The following XRCC5 variants were observed in gnomAD, a reference collection of about 807,000 sequenced individuals.
XRCC5 encodes X-ray repair cross complementing 5.
Under a neutral mutation model 95.7 loss-of-function variants are expected in XRCC5, and 12 were observed. The observed-to-expected ratio is 0.13, with a 90% CI of 0.08 to 0.20. The LOEUF is 0.20. Among genes scored for constraint, XRCC5 ranks in the 10% least tolerant of loss-of-function variants. The pLI, the probability that XRCC5 is intolerant of heterozygous loss-of-function variation, is 1.00. For synonymous variants in XRCC5, 281 were observed against 290.3 expected (o/e 0.97, Z 0.33); for missense variants, 595 against 873.9 (o/e 0.68, Z 4.02).
At chr2:216,182,196 C>T (rs183788803) in intron 16 of XRCC5, among the ~76,000 whole-genome samples, 30 of 152,288 alleles carry the variant, frequency 2.0e-4, no homozygotes, top group Admixed American at 1.7e-3. Flanking sequence ...ACTCATCATT[C>T]ACTCTGTCTT....
chr2:216,195,638 A>G (rs989356699), intron 19 of XRCC5, among the ~76,000 whole-genome samples: 2 of 152,134 alleles, frequency 1.3e-5, no homozygotes, highest in African/African-American at 4.8e-5. Context: ...TGAGCTTCTT[A>G]TTCACACACA....
At chr2:216,163,739 GC>G (rs1688997599) in intron 16 of XRCC5, among the ~76,000 whole-genome samples, 1 of 152,232 alleles carries the variant, frequency 6.6e-6, no homozygotes, top group African/African-American at 2.4e-5. Flanking sequence ...GAGCAGCTGA[GC>G]CTCAGAGAGA....
At chr2:216,184,507 C>G (rs929568950) in intron 16 of XRCC5, among the ~76,000 whole-genome samples, 2 of 152,072 alleles carry the variant, frequency 1.3e-5, no homozygotes, top group Non-Finnish European at 2.9e-5. Context: ...GATGGAGTCT[C>G]ACCCTGTCAC....
Position 216,125,766 on chromosome 2 carries a change from CTTGTGG to C in XRCC5, c.684-146_684-141del, listed in dbSNP as rs1202607839. ...CTCTTGCCCTGGCTATATCTCCCAA[CTTGTGG>C]TTGTTGTTTTCCGGCCATCTCCTGC... On this transcript the variant is annotated intron_variant, in intron 6 of 20. Coordinates refer to ENST00000392132, the MANE Select transcript of XRCC5 (RefSeq NM_021141.4). The C allele has an allele frequency of 2.7e-5, 16 of 600,792 alleles. No individual in the cohort carries two copies. The East Asian group carries it at 4.3e-4, about 16-fold the overall frequency. 37.2% of individuals were successfully genotyped at this position (600,792 alleles called of 1,614,324 possible). A position where few individuals can be genotyped will look rare whatever the true frequency, so the allele number is the denominator to read the frequency against.
intron 16 of XRCC5, among the ~76,000 whole-genome samples, chr2:216,187,811 ACACACACACACTCT>A (rs1689525939): frequency 2.8e-5 from 3 of 108,766 alleles, no homozygotes; most frequent in East Asian, 5.4e-4. Flanking sequence ...ACACACACAC[ACACACACACACTCT>A]CTCTCTCTCT....
At chr2:216,125,837 T>G in intron 6 of XRCC5, 80 bp from the exon 7 acceptor site, 1 of 1,140,466 alleles carries the variant, frequency 8.8e-7, no homozygotes, top group South Asian at 1.3e-5. Flanking sequence ...CACTTCTCAT[T>G]GTAGAAAATC....
chr2:216,175,452 T>C (rs765647184), intron 16 of XRCC5: 1 of 517,468 alleles, frequency 1.9e-6, no homozygotes, highest in African/African-American at 1.9e-5. Flanking sequence ...CTTTTTCACT[T>C]TACAGTTGTG....
intron 16 of XRCC5, among the ~76,000 whole-genome samples, chr2:216,180,508 C>T (rs1689366092): frequency 6.6e-6 from 1 of 152,114 alleles, no homozygotes; most frequent in East Asian, 1.9e-4. Flanking sequence ...GGCCTGTAGT[C>T]CCAGCTACTC....
At chr2:216,194,142 A>G (rs918835786) in intron 18 of XRCC5, among the ~76,000 whole-genome samples, 1 of 152,254 alleles carries the variant, frequency 6.6e-6, no homozygotes, top group Non-Finnish European at 1.5e-5. Flanking sequence ...AGCTTCTGCT[A>G]TGTTCTACAG....
At chr2:216,165,963 G>A (rs948547990) in intron 16 of XRCC5, among the ~76,000 whole-genome samples, 1 of 152,110 alleles carries the variant, frequency 6.6e-6, no homozygotes, top group African/African-American at 2.4e-5. Flanking sequence ...TGTGAGGGAT[G>A]TATCTTGTTC....
At chr2:216,110,800 C>T (rs757742835) in intron 1 of XRCC5, among the ~76,000 whole-genome samples, 22 of 152,006 alleles carry the variant, frequency 1.4e-4, no homozygotes, top group Non-Finnish European at 2.8e-4. Context: ...TTTTGTGACT[C>T]TTAAGTTTTT....
intron 19 of XRCC5, among the ~76,000 whole-genome samples, chr2:216,203,267 C>G (rs1392963779): frequency 6.6e-6 from 1 of 152,148 alleles, no homozygotes; most frequent in Non-Finnish European, 1.5e-5. Flanking sequence ...ATAACTGATT[C>G]TCTATTTACT....
chr2:216,180,812 CTT>C (rs112178335), intron 16 of XRCC5, among the ~76,000 whole-genome samples: 33 of 140,674 alleles, frequency 2.3e-4, no homozygotes, highest in African/African-American at 6.5e-4. Flanking sequence ...CCTTGAGTAT[CTT>C]TTTTTTTTTT....
intron 5 of XRCC5, 118 bp from the exon 6 acceptor site, chr2:216,121,944 G>A (rs1052933958): frequency 3.6e-5 from 34 of 934,402 alleles, no homozygotes; most frequent in South Asian, 1.9e-4. Context: ...GGTAAGAGTC[G>A]TTTGACAGAT....
At chr2:216,143,057 C>T (rs1016333145) in intron 13 of XRCC5, among the ~76,000 whole-genome samples, 20 of 152,220 alleles carry the variant, frequency 1.3e-4, no homozygotes, top group African/African-American at 4.6e-4. Flanking sequence ...TCACATTAGC[C>T]TACAGTTGGG....
At chr2:216,133,858 A>G (rs1288721099) in intron 10 of XRCC5, among the ~76,000 whole-genome samples, 4 of 152,216 alleles carry the variant, frequency 2.6e-5, no homozygotes, top group African/African-American at 9.7e-5. Flanking sequence ...GTAAAACAAA[A>G]CAAAAGAATG....
Position 216,132,385 on chromosome 2 carries a change from G to C in XRCC5, c.1111G>C (p.Glu371Gln). Residue 371 changes from glutamate to glutamine, a missense_variant and splice_region_variant, in exon 10 of 21, where the codon GAG becomes CAG. By Grantham distance (29) the Glu-to-Gln change is conservative (BLOSUM62 2). This residue lies in a region of XRCC5 where 286 missense variants were observed against 491.1 expected (regional missense o/e 0.58). Transcript: ENST00000392132. ...VLKVFAARDD[E>Q]AAAVALSSLI... ...AAAGGTCTTTGCAGCAAGAGATGAT[G>C]AGGTGAGTTGGCAGCAGGTCTTTGA... 3 of 1,613,942 alleles carry C rather than the reference G, an allele frequency of 1.9e-6. No individual in the cohort carries two copies. Among genetic ancestry groups the C allele is most frequent in the Non-Finnish European group, 2.5e-6 (3 of 1,179,860 alleles).
intron 12 of XRCC5, among the ~76,000 whole-genome samples, chr2:216,140,497 A>T: frequency 6.6e-6 from 1 of 152,166 alleles, no homozygotes; most frequent in Admixed American, 6.5e-5. Flanking sequence ...GTAGATTTTT[A>T]TTGAGGAGCA....
intron 19 of XRCC5, among the ~76,000 whole-genome samples, chr2:216,203,066 G>A (rs1261981986): frequency 6.6e-6 from 1 of 152,208 alleles, no homozygotes; most frequent in South Asian, 2.1e-4. Flanking sequence ...CAGGAATGTA[G>A]AGAATGGCAG....
Sources: allele counts gnomAD v4.1 joint callset (sites outside exome capture counted in the v4.1 genomes callset), GRCh38; gene constraint gnomAD v4.1.1; regional missense constraint gnomAD v4.1.1; transcripts MANE v1.5; gene names NCBI Gene and HGNC (gene_info 2026-07-23, HGNC 2026-07-21).